GRID2: variants seen among roughly 807,000 people sequenced by gnomAD.
GRID2 encodes the protein glutamate ionotropic receptor delta type subunit 2, also known as glutamate receptor ionotropic, delta-2.
GRID2 carries 33 observed loss-of-function variants against 114.8 expected under a neutral mutation model. The ratio of observed to expected loss-of-function variants is 0.29; its 90% CI spans 0.22 to 0.38. The LOEUF is 0.38. Ranked by LOEUF, GRID2 falls within the 10% of genes least tolerant of loss-of-function variation. The probability of loss-of-function intolerance (pLI) is 1.00; values close to 1 mark genes in which losing one functional copy is unlikely to be tolerated. For missense variants in GRID2, 1,184 were observed against 1,257.7 expected (o/e 0.94, Z 0.89); for synonymous variants, 505 against 449.9 (o/e 1.12, Z -1.55).
chr4:92,372,332 G>A (rs183213627), intron 1 of GRID2, among the ~76,000 whole-genome samples: 1 of 152,224 alleles, frequency 6.6e-6, no homozygotes, highest in African/African-American at 2.4e-5. Context: ...TTTGTGAAAG[G>A]AAGTATCAAT....
At chr4:93,085,718 C>T (rs1001363430) in intron 3 of GRID2, among the ~76,000 whole-genome samples, 1 of 152,130 alleles carries the variant, frequency 6.6e-6, no homozygotes, top group Non-Finnish European at 1.5e-5. Context: ...TCTGAAAAAT[C>T]TTGCTTACAC....
chr4:92,555,427 A>G (rs374152754), intron 1 of GRID2, among the ~76,000 whole-genome samples: 3 of 152,296 alleles, frequency 2.0e-5, no homozygotes, highest in African/African-American at 7.2e-5. Flanking sequence ...CTTAACTTCA[A>G]TTTCATTAAG....
chr4:92,640,222 A>G (rs1731278654), intron 2 of GRID2, among the ~76,000 whole-genome samples: 1 of 151,856 alleles, frequency 6.6e-6, no homozygotes. Context: ...AGAGAGATAC[A>G]TGAAAGAAAA....
At chr4:92,316,830 G>A (rs969019521) in intron 1 of GRID2, among the ~76,000 whole-genome samples, 2 of 152,078 alleles carry the variant, frequency 1.3e-5, no homozygotes, top group African/African-American at 4.8e-5. Context: ...CATACAAATG[G>A]TCTTTATAGT....
At chr4:93,483,111 T>C (rs1180620623) in intron 11 of GRID2, among the ~76,000 whole-genome samples, 2 of 152,072 alleles carry the variant, frequency 1.3e-5, no homozygotes, top group Admixed American at 6.6e-5. Context: ...ATGTAGAATA[T>C]GCTTATGCTG....
chr4:93,097,358 AAAC>A (rs993409821), intron 3 of GRID2, among the ~76,000 whole-genome samples: 1 of 152,028 alleles, frequency 6.6e-6, no homozygotes, highest in Non-Finnish European at 1.5e-5. Context: ...AAGGAAAAAA[AAAC>A]AATTTACAGA....
chr4:93,560,325 A>T (rs1218295408), intron 13 of GRID2, among the ~76,000 whole-genome samples: 2 of 151,024 alleles, frequency 1.3e-5, no homozygotes, highest in African/African-American at 4.9e-5. Flanking sequence ...TCTGCAGGCT[A>T]TACAAACATG....
intron 13 of GRID2, among the ~76,000 whole-genome samples, chr4:93,554,779 T>C (rs1734143263): frequency 6.6e-6 from 1 of 152,110 alleles, no homozygotes; most frequent in South Asian, 2.1e-4. Flanking sequence ...CATTCTTACA[T>C]TACCAGAAAG....
At chr4:92,603,126 C>T (rs903137340) in intron 2 of GRID2, among the ~76,000 whole-genome samples, 2 of 152,062 alleles carry the variant, frequency 1.3e-5, no homozygotes, top group Non-Finnish European at 2.9e-5. Flanking sequence ...CCATACTGCT[C>T]AAAGCAATGT....
chr4:93,490,497 T>G, intron 11 of GRID2, 142 bp from the exon 12 acceptor site: 1 of 539,276 alleles, frequency 1.9e-6, no homozygotes, highest in Non-Finnish European at 3.4e-6. Context: ...TATGGAGTGA[T>G]GAAAATATAG....
chr4:92,883,913 T>A (rs973766058), intron 2 of GRID2, among the ~76,000 whole-genome samples: 3 of 152,202 alleles, frequency 2.0e-5, no homozygotes, highest in African/African-American at 7.2e-5. Context: ...AAGCATTGAC[T>A]TCAGCTTAGG....
At chr4:92,373,792 C>A (rs1410503721) in intron 1 of GRID2, among the ~76,000 whole-genome samples, 2 of 152,032 alleles carry the variant, frequency 1.3e-5, no homozygotes, top group Non-Finnish European at 2.9e-5. Flanking sequence ...TTGCTTGTCA[C>A]CCTAATATGC....
intron 14 of GRID2, among the ~76,000 whole-genome samples, chr4:93,657,567 C>CA (rs1188838892): frequency 1.3e-5 from 2 of 151,740 alleles, no homozygotes; most frequent in Non-Finnish European, 2.9e-5. Flanking sequence ...AACAAGCAAA[C>CA]AAAAAACCAA....
chr4:93,169,225 T>G (rs1738563298), intron 4 of GRID2, among the ~76,000 whole-genome samples: 1 of 151,936 alleles, frequency 6.6e-6, no homozygotes, highest in Non-Finnish European at 1.5e-5. Flanking sequence ...AGAAAATATT[T>G]ATTGCCTATT....
chr4:93,182,387 G>A (rs1182246497), intron 4 of GRID2, among the ~76,000 whole-genome samples: 1 of 151,990 alleles, frequency 6.6e-6, no homozygotes, highest in African/African-American at 2.4e-5. Flanking sequence ...TGTGTGAAAA[G>A]ATTCTTACTT....
At chr4:93,430,705 G>A (rs1769326838) in intron 10 of GRID2, among the ~76,000 whole-genome samples, 1 of 152,188 alleles carries the variant, frequency 6.6e-6, no homozygotes, top group Non-Finnish European at 1.5e-5. Flanking sequence ...GAAACACAGA[G>A]GTTAAACTAG....
chr4:92,542,552 G>A (rs894687599), intron 1 of GRID2, among the ~76,000 whole-genome samples: 1 of 151,896 alleles, frequency 6.6e-6, no homozygotes, highest in African/African-American at 2.4e-5. Context: ...AACATCGTAT[G>A]TTCTCACTTA....
intron 10 of GRID2, among the ~76,000 whole-genome samples, chr4:93,427,966 G>A (rs1010634835): frequency 6.6e-6 from 1 of 151,880 alleles, no homozygotes; most frequent in African/African-American, 2.4e-5. Flanking sequence ...TAGTTTAGAA[G>A]GGAAGAGAGG....
intron 1 of GRID2, among the ~76,000 whole-genome samples, chr4:92,460,611 T>A (rs1721448775): frequency 6.6e-6 from 1 of 152,158 alleles, no homozygotes; most frequent in African/African-American, 2.4e-5. Flanking sequence ...TGCTCACACT[T>A]TTAGTGTAAA....
Sources: allele counts gnomAD v4.1 joint callset (sites outside exome capture counted in the v4.1 genomes callset), GRCh38; gene constraint gnomAD v4.1.1; transcripts MANE v1.5; gene names NCBI Gene and HGNC (gene_info 2026-07-23, HGNC 2026-07-21).